The following PCDHA3 variants were observed in gnomAD, a reference collection of about 807,000 sequenced individuals.
PCDHA3 encodes protocadherin alpha 3, also known as protocadherin alpha-3.
PCDHA3 carries 41 observed loss-of-function variants against 62.2 expected under a neutral mutation model. That is an observed-to-expected ratio of 0.66 (90% CI 0.51 to 0.86). The LOEUF is 0.86. Ranked by LOEUF, PCDHA3 falls within the 40% of genes least tolerant of loss-of-function variation. The pLI, the probability that PCDHA3 is intolerant of heterozygous loss-of-function variation, is 0.00. For synonymous variants in PCDHA3, 640 were observed against 555.4 expected, an observed-to-expected ratio of 1.15 and a Z score of -2.14; for missense variants, 1,304 against 1,241.2, an observed-to-expected ratio of 1.05 and a Z score of -0.76.
chr5:140,850,540 C>T, intron 1 of PCDHA3: 1 of 1,598,246 alleles, frequency 6.3e-7, no homozygotes, highest in Non-Finnish European at 8.6e-7. Flanking sequence ...TCGTCGCGGG[C>T]GTCAGTGGGT....
intron 1 of PCDHA3, among the ~76,000 whole-genome samples, chr5:140,881,757 A>T (rs1238055344): frequency 6.6e-6 from 1 of 152,166 alleles, no homozygotes; most frequent in African/African-American, 2.4e-5. Flanking sequence ...TACCACAAAA[A>T]CCTACATGAC....
chr5:140,951,196 T>A (rs1438872650), intron 1 of PCDHA3, among the ~76,000 whole-genome samples: 1 of 152,190 alleles, frequency 6.6e-6, no homozygotes, highest in African/African-American at 2.4e-5. Context: ...AATTCCCACA[T>A]CTGTGTCATC....
chr5:140,836,596 C>G, intron 1 of PCDHA3: 1 of 1,613,764 alleles, frequency 6.2e-7, no homozygotes, highest in South Asian at 1.1e-5. Context: ...GTAAAGCCCA[C>G]TCTGGTGTGC....
chr5:140,985,801 A>G (rs2097171670), intron 3 of PCDHA3, among the ~76,000 whole-genome samples: 1 of 135,588 alleles, frequency 7.4e-6, no homozygotes, highest in Admixed American at 8.6e-5. Flanking sequence ...GTGCAGTGGC[A>G]CGATCTCAGC....
intron 1 of PCDHA3, among the ~76,000 whole-genome samples, chr5:140,939,327 C>T (rs2092367339): frequency 6.6e-6 from 1 of 152,146 alleles, no homozygotes; most frequent in South Asian, 2.1e-4. Flanking sequence ...ATATCATAAT[C>T]TTAGGGGTTA....
intron 1 of PCDHA3, chr5:140,856,072 G>A: frequency 6.3e-7 from 1 of 1,592,122 alleles, no homozygotes; most frequent in Non-Finnish European, 8.6e-7. Flanking sequence ...GTAGCTGCCT[G>A]GGGGTCCAGT....
chr5:140,862,965 C>T (rs1358517266), intron 1 of PCDHA3: 5 of 543,666 alleles, frequency 9.2e-6, no homozygotes, highest in African/African-American at 7.7e-5. Flanking sequence ...TCAGTGGATG[C>T]AGGCCACTTG....
rs1778917220 is a variant in PCDHA3 at position 140,843,490 on chromosome 5, C to T, written c.2394+39899C>T. 14 of 1,596,024 alleles carry T rather than the reference C, an allele frequency of 8.8e-6. 1 individual carries two copies. The highest frequency in any genetic ancestry group is 2.2e-5 in the East Asian group (1 of 44,822). On this transcript the variant is annotated intron_variant, in intron 1 of 3. Coordinates refer to ENST00000522353, the MANE Select transcript of PCDHA3 (RefSeq NM_018906.3). ...TGCTGCTGTACACTGCGCTGCGGTG[C>T]TCAGCACTGCCCACTGAGGGCGGGT...
In PCDHA3 at chr5:141,010,661, C is replaced by T. The variant is rs1331706826; in HGVS notation, c.*724C>T. ...AACAGTTCAGTGTTTTAACAGAGAA[C>T]CACCCTGGGAAACAGAAGCAGATCT... On this transcript the variant is annotated 3_prime_UTR_variant, in exon 4 of 4. Transcript: ENST00000522353. 6.0e-6 allele frequency: 1 copy of T among 166,290 alleles called. No homozygotes were observed. Among genetic ancestry groups the T allele is most frequent in the Non-Finnish European group, 1.3e-5 (1 of 76,066 alleles). 10.3% of individuals were successfully genotyped at this position (166,290 alleles called of 1,614,324 possible).
At chr5:140,869,561 C>G in intron 1 of PCDHA3, 1 of 1,614,150 alleles carries the variant, frequency 6.2e-7, no homozygotes, top group Non-Finnish European at 8.5e-7. Flanking sequence ...TCGCGTTTTC[C>G]ACTAGAGGGA....
In PCDHA3 at chr5:140,802,768, A is replaced by G; in HGVS notation, c.1571A>G (p.Asp524Gly). 6.2e-7 allele frequency: 1 copy of G among 1,612,944 alleles called. No homozygotes were observed. Among genetic ancestry groups the G allele is most frequent in the East Asian group, 2.2e-5 (1 of 44,876 alleles). The change falls in exon 1 of 4, where the codon GAC (aspartate) becomes GGC (glycine). Residue 524 changes from aspartate to glycine, a missense_variant. Transcript: ENST00000522353. Reference protein sequence around the residue: ...SGKVYALQPLDHEELELLQFQ... With the variant: ...SGKVYALQPLGHEELELLQFQ... ...AAGGTGTACGCGCTGCAGCCGCTGG[A>G]CCACGAGGAGCTAGAGCTGCTGCAG...
chr5:140,875,401 G>T, intron 1 of PCDHA3: 1 of 1,487,486 alleles, frequency 6.7e-7, no homozygotes, highest in Non-Finnish European at 8.9e-7. Context: ...AAGGGTGACT[G>T]CTCATAAAAT....
chr5:140,966,454 C>A (rs897696652), intron 1 of PCDHA3: 2 of 426,524 alleles, frequency 4.7e-6, no homozygotes, highest in Non-Finnish European at 8.1e-6. Flanking sequence ...TCCCCCTCCC[C>A]CTCTGTCTTC....
At chr5:140,822,551 T>A (rs2150117255) in intron 1 of PCDHA3, 1 of 1,613,796 alleles carries the variant, frequency 6.2e-7, no homozygotes, top group Non-Finnish European at 8.5e-7. Context: ...AGTGGGACAT[T>A]AGTTATTAAA....
chr5:140,960,892 G>A (rs1401042931), intron 1 of PCDHA3, among the ~76,000 whole-genome samples: 1 of 152,126 alleles, frequency 6.6e-6, no homozygotes, highest in East Asian at 1.9e-4. Flanking sequence ...AATGAATTTG[G>A]GGCATATCTT....
intron 3 of PCDHA3, among the ~76,000 whole-genome samples, chr5:140,992,354 A>C (rs996986066): frequency 1.3e-5 from 2 of 152,184 alleles, no homozygotes; most frequent in Non-Finnish European, 2.9e-5. Context: ...TGGAGAGAGG[A>C]GAAAAATGGT....
chr5:140,882,309 T>C (rs745321942), intron 1 of PCDHA3: 1 of 1,614,090 alleles, frequency 6.2e-7, no homozygotes, highest in Non-Finnish European at 8.5e-7. Flanking sequence ...CCGCGGCAAC[T>C]ACTGCTCTGG....
intron 1 of PCDHA3, among the ~76,000 whole-genome samples, chr5:140,826,499 A>G (rs1227877978): frequency 1.3e-5 from 2 of 152,186 alleles, no homozygotes; most frequent in Non-Finnish European, 2.9e-5. Flanking sequence ...TTTTGGAGTA[A>G]GGTGAAGATG....
chr5:140,848,359 G>C, intron 1 of PCDHA3: 1 of 1,059,608 alleles, frequency 9.4e-7, no homozygotes, highest in South Asian at 1.6e-5. Context: ...TTTTCCCATG[G>C]GAAAGAGGCT....
Sources: allele counts gnomAD v4.1 joint callset (sites outside exome capture counted in the v4.1 genomes callset), GRCh38; gene constraint gnomAD v4.1.1; transcripts MANE v1.5; gene names NCBI Gene and HGNC (gene_info 2026-07-23, HGNC 2026-07-21).